Variants in TBC1D5 observed in about 807,000 individuals in gnomAD.
TBC1D5 encodes TBC1 domain family, member 5.
A neutral mutation model predicts 100.3 loss-of-function variants in TBC1D5; 75 were observed. The observed-to-expected ratio is 0.75, with a 90% CI of 0.62 to 0.91. TBC1D5 has a LOEUF of 0.91. TBC1D5 is among the 40% of genes least tolerant of loss of function. The probability of loss-of-function intolerance (pLI) is 0.00; values close to 1 mark genes in which losing one functional copy is unlikely to be tolerated. For missense variants in TBC1D5, 910 were observed against 942.4 expected (o/e 0.97, Z 0.45); for synonymous variants, 323 against 325.6 (o/e 0.99, Z 0.09).
intron 2 of TBC1D5, among the ~76,000 whole-genome samples, chr3:17,512,495 T>A (rs1018963253): frequency 6.6e-6 from 1 of 152,168 alleles, no homozygotes; most frequent in Non-Finnish European, 1.5e-5. Context: ...GCCAAAAACA[T>A]GCCTCTTAGT....
chr3:17,260,361 A>T lies in TBC1D5; in HGVS notation c.1246-1770T>A, dbSNP rs535627905. 1.1e-4 allele frequency among the ~76,000 whole-genome samples: 17 copies of T among 152,344 alleles called. No individual in the cohort carries two copies. The East Asian group carries it at 3.3e-3, about 29-fold the overall frequency. On this transcript the variant is annotated intron_variant, in intron 15 of 21. Transcript: ENST00000253692. ...GAGCAATTACTTGAAACATCTTTAT[A>T]AAGAAATGACAAGCAATTCAAGACA...
Position 17,201,926 on chromosome 3 carries a change from G to A in TBC1D5, c.1752+12281C>T, listed in dbSNP as rs113036807. ...GACTAATACAGAAAATTGGTACTAG[G>A]AGTGTGGCAGCATTGCTACAAAGAT... On this transcript the variant is annotated intron_variant, in intron 18 of 21. Transcript: ENST00000253692. 3.7e-3 allele frequency among the ~76,000 whole-genome samples: 558 copies of A among 152,292 alleles called. 1 individual carries two copies. Among genetic ancestry groups the A allele is most frequent in the Middle Eastern group, 0.01 (3 of 294 alleles).
intron 1 of TBC1D5, among the ~76,000 whole-genome samples, chr3:17,657,329 C>CTTT (rs35431642): frequency 8.4e-5 from 9 of 107,058 alleles, no homozygotes; most frequent in Admixed American, 1.1e-4. Context: ...CAAATTCTTT[C>CTTT]TTTTTTTTTT....
At chr3:17,698,173 T>C (rs1291841226) in intron 1 of TBC1D5, among the ~76,000 whole-genome samples, 1 of 152,216 alleles carries the variant, frequency 6.6e-6, no homozygotes, top group Admixed American at 6.5e-5. Context: ...CAAAGAAGCA[T>C]GGTACTGGTC....
intron 3 of TBC1D5, among the ~76,000 whole-genome samples, chr3:17,469,298 G>A (rs1269835758): frequency 2.0e-5 from 3 of 152,188 alleles, no homozygotes; most frequent in Non-Finnish European, 4.4e-5. Context: ...GAGGGAGCCA[G>A]AATAATCTAT....
chr3:17,507,567 G>C (rs1337433342), intron 3 of TBC1D5, among the ~76,000 whole-genome samples: 1 of 152,000 alleles, frequency 6.6e-6, no homozygotes, highest in Non-Finnish European at 1.5e-5. Flanking sequence ...GCAGACTTTG[G>C]CATCAGTATA....
intron 2 of TBC1D5, among the ~76,000 whole-genome samples, chr3:17,598,703 T>A (rs1032116633): frequency 1.8e-4 from 27 of 152,220 alleles, no homozygotes; most frequent in African/African-American, 6.3e-4. Flanking sequence ...GAGGATGCTT[T>A]ACTTCTTAGA....
At chr3:17,685,784 A>C (rs2070183628) in intron 1 of TBC1D5, among the ~76,000 whole-genome samples, 1 of 152,064 alleles carries the variant, frequency 6.6e-6, no homozygotes. Context: ...CTTAACTTAC[A>C]CTTCTTTTTC....
At chr3:17,588,860 A>G (rs2096749163) in intron 2 of TBC1D5, among the ~76,000 whole-genome samples, 1 of 152,226 alleles carries the variant, frequency 6.6e-6, no homozygotes, top group Non-Finnish European at 1.5e-5. Flanking sequence ...TAATCTCAAT[A>G]TTACTTAAAC....
rs114305465 is a variant in TBC1D5 at position 17,255,535 on chromosome 3, T to A, written c.1331+2971A>T. On this transcript the variant is annotated intron_variant, in intron 16 of 21. Coordinates refer to ENST00000253692, the Ensembl canonical transcript of TBC1D5. ...TTTCTTACTGAACTGCCTAAATTCT[T>A]CATACATTAATGATATTATATTTTG... Among the ~76,000 whole-genome samples, 511 of 152,230 alleles carry A rather than the reference T, an allele frequency of 3.4e-3. 5 individuals carry two copies. Among genetic ancestry groups the A allele is most frequent in the African/African-American group, 0.012 (485 of 41,542 alleles).
chr3:17,675,583 G>A (rs1450517841), intron 1 of TBC1D5, among the ~76,000 whole-genome samples: 1 of 152,106 alleles, frequency 6.6e-6, no homozygotes, highest in African/African-American at 2.4e-5. Flanking sequence ...TATATGAAAG[G>A]AGGAGTCATG....
chr3:17,211,968 A>C (rs1202902497), intron 18 of TBC1D5, among the ~76,000 whole-genome samples: 6 of 152,244 alleles, frequency 3.9e-5, no homozygotes, highest in African/African-American at 1.4e-4. Flanking sequence ...TTTGCAGATA[A>C]GGTGGTTAAA....
chr3:17,343,176 A>AAG (rs1354551294), intron 13 of TBC1D5, among the ~76,000 whole-genome samples: 5 of 152,172 alleles, frequency 3.3e-5, no homozygotes, highest in African/African-American at 1.2e-4. Flanking sequence ...TTTAGCATGA[A>AAG]GCGTTGTTGA....
chr3:17,253,292 A>T (rs996132008), intron 16 of TBC1D5, among the ~76,000 whole-genome samples: 2 of 152,214 alleles, frequency 1.3e-5, no homozygotes, highest in African/African-American at 4.8e-5. Context: ...TGTTGATCAG[A>T]ATTTCAAAGG....
intron 2 of TBC1D5, among the ~76,000 whole-genome samples, chr3:17,617,960 G>A (rs901665238): frequency 5.9e-5 from 9 of 152,216 alleles, no homozygotes; most frequent in African/African-American, 2.2e-4. Context: ...GAGCTGCGAT[G>A]TTTTGGAGGA....
intron 3 of TBC1D5, among the ~76,000 whole-genome samples, chr3:17,496,439 TA>T (rs1486352794): frequency 6.6e-5 from 10 of 151,938 alleles, no homozygotes; most frequent in African/African-American, 2.2e-4. Context: ...TGTACATATA[TA>T]CATACATGCA....
intron 18 of TBC1D5, among the ~76,000 whole-genome samples, chr3:17,191,199 T>C (rs1325126204): frequency 6.6e-6 from 1 of 152,250 alleles, no homozygotes; most frequent in Non-Finnish European, 1.5e-5. Context: ...AATCAGTATA[T>C]ACTAGGCTTG....
chr3:17,533,064 CACAT>C (rs1372519414), intron 2 of TBC1D5, among the ~76,000 whole-genome samples: 6 of 125,974 alleles, frequency 4.8e-5, no homozygotes, highest in African/African-American at 7.2e-5. Flanking sequence ...CACACACACA[CACAT>C]ACACAGACAC....
At chr3:17,556,669 AT>A (rs940599282) in intron 2 of TBC1D5, among the ~76,000 whole-genome samples, 1 of 152,238 alleles carries the variant, frequency 6.6e-6, no homozygotes, top group Admixed American at 6.5e-5. Context: ...ATTAGCTCTG[AT>A]TTATCAAAAA....
Sources: allele counts gnomAD v4.1 joint callset (sites outside exome capture counted in the v4.1 genomes callset), GRCh38; gene constraint gnomAD v4.1.1; transcripts MANE v1.5; gene names NCBI Gene and HGNC (gene_info 2026-07-23, HGNC 2026-07-21).